PAPPA: variants seen among roughly 807,000 people sequenced by gnomAD.
The protein encoded by PAPPA is pappalysin-1.
In PAPPA, 60 loss-of-function variants were observed where a neutral mutation model predicts 164.0. That is an observed-to-expected ratio of 0.37 (90% CI 0.30 to 0.45). PAPPA has a LOEUF of 0.45. PAPPA is among the 20% of genes least tolerant of loss of function. The pLI is 1.00. For synonymous variants in PAPPA, 875 were observed against 814.1 expected, an observed-to-expected ratio of 1.07 and a Z score of -1.27; for missense variants, 1,782 against 2,087.3, an observed-to-expected ratio of 0.85 and a Z score of 2.85.
intron 17 of PAPPA, among the ~76,000 whole-genome samples, chr9:116,355,832 T>C (rs899449414): frequency 1.3e-5 from 2 of 152,192 alleles, no homozygotes; most frequent in Admixed American, 6.5e-5. Context: ...GTATTGCTTG[T>C]CTGCTCAAAG....
At chr9:116,317,867 C>T (rs1189575935) in intron 10 of PAPPA, among the ~76,000 whole-genome samples, 6 of 152,184 alleles carry the variant, frequency 3.9e-5, no homozygotes, top group Admixed American at 6.5e-5. Context: ...CCAGAGTCTA[C>T]ACTGGTTTTA....
chr9:116,263,481 A>G (rs572410004), intron 7 of PAPPA, among the ~76,000 whole-genome samples: 2 of 152,298 alleles, frequency 1.3e-5, no homozygotes, highest in East Asian at 3.9e-4. Flanking sequence ...TTGTCTCTCC[A>G]TCTCTTCTAG....
chr9:116,237,559 G>C (rs1844683324), intron 7 of PAPPA, among the ~76,000 whole-genome samples: 1 of 152,108 alleles, frequency 6.6e-6, no homozygotes, highest in Non-Finnish European at 1.5e-5. Flanking sequence ...CTGAATAAAT[G>C]AAAGAACCCT....
chr9:116,398,769 C>T lies in PAPPA; in HGVS notation c.*2153C>T, dbSNP rs1324565891. The T allele has an allele frequency of 2.9e-5, 13 of 443,692 alleles. No homozygotes were observed. The highest frequency in any genetic ancestry group is 1.2e-4 in the Admixed American group (5 of 40,710). 27.5% of individuals were successfully genotyped at this position (443,692 alleles called of 1,614,324 possible). A position where few individuals can be genotyped will look rare whatever the true frequency, so the allele number is the denominator to read the frequency against. On this transcript the variant is annotated 3_prime_UTR_variant, in exon 22 of 22. Transcript: ENST00000328252. ...AGAATAATCCTCTATGTTTCTTCCT[C>T]ACAAAACCATATCTCATTTATATCC...
At chr9:116,182,648 T>C (rs1158520161) in intron 1 of PAPPA, among the ~76,000 whole-genome samples, 1 of 152,178 alleles carries the variant, frequency 6.6e-6, no homozygotes, top group African/African-American at 2.4e-5. Flanking sequence ...GCCTTTGAGC[T>C]TTTCTCCTTT....
intron 6 of PAPPA, 21 bp downstream of exon 6, chr9:116,227,573 C>T (rs1844529943): frequency 6.2e-7 from 1 of 1,613,158 alleles, no homozygotes; most frequent in Non-Finnish European, 8.5e-7. Context: ...CTTCTGGAAG[C>T]TCATTGACAG....
Position 116,331,228 on chromosome 9 carries a change from CT to C in PAPPA, c.3148-13del, listed in dbSNP as rs1359855691. 4 of 1,439,378 alleles carry C rather than the reference CT, an allele frequency of 2.8e-6. No individual in the cohort carries two copies. Among genetic ancestry groups the C allele is most frequent in the Non-Finnish European group, 3.9e-6 (4 of 1,023,196 alleles). 89.2% of individuals were successfully genotyped at this position (1,439,378 alleles called of 1,614,324 possible). ...ACTCTCTAAAACATGATTATTTTTT[CT>C]TTATATTTTTCCAGGTGTGTCGAAC... On this transcript the variant is annotated splice_polypyrimidine_tract_variant and intron_variant, in intron 10 of 21. Coordinates refer to ENST00000328252, the MANE Select transcript of PAPPA (RefSeq NM_002581.5).
chr9:116,344,548 T>G lies in PAPPA; in HGVS notation c.3617T>G (p.Val1206Gly). 1 of 1,612,464 alleles carries G rather than the reference T, an allele frequency of 6.2e-7. No homozygotes were observed. Among genetic ancestry groups the G allele is most frequent in the Non-Finnish European group, 8.5e-7 (1 of 1,178,588 alleles). The change falls in exon 14 of 22, where the codon GTG (valine) becomes GGG (glycine). Residue 1206 changes from valine (V) to glycine (G), a missense_variant. By Grantham distance (109) the Val-to-Gly change is moderately radical. This residue lies in a region of PAPPA where 1,324 missense variants were observed against 1,656.9 expected (regional missense o/e 0.80). Transcript: ENST00000328252. ...CTCGTTTCTTTCCTCCCCAGCTGCG[T>G]GCACTTCGCATGTGAGAAAACTGAC... ...ETYSPAEQSC[V>G]HFACEKTDCP...
chr9:116,216,821 A>G (rs1844378528), intron 4 of PAPPA, among the ~76,000 whole-genome samples: 1 of 151,998 alleles, frequency 6.6e-6, no homozygotes, highest in Non-Finnish European at 1.5e-5. Context: ...AGCTCACTGC[A>G]ACTTCTGCCT....
chr9:116,269,633 AG>A (rs1272278368), intron 8 of PAPPA, among the ~76,000 whole-genome samples: 3 of 152,214 alleles, frequency 2.0e-5, no homozygotes, highest in African/African-American at 7.2e-5. Flanking sequence ...ATCTAATGAT[AG>A]ATCTGTCATG....
chr9:116,289,574 AT>A (rs1845410562), intron 9 of PAPPA, among the ~76,000 whole-genome samples: 1 of 151,928 alleles, frequency 6.6e-6, no homozygotes, highest in Non-Finnish European at 1.5e-5. Context: ...GACCTCTAAC[AT>A]TTATGCAGCA....
At chr9:116,202,055 T>C (rs559126146) in intron 2 of PAPPA, among the ~76,000 whole-genome samples, 1 of 152,284 alleles carries the variant, frequency 6.6e-6, no homozygotes, top group East Asian at 1.9e-4. Flanking sequence ...AGTGACCTGC[T>C]TTGAGTGGGA....
chr9:116,337,854 G>A (rs998894667), intron 13 of PAPPA, among the ~76,000 whole-genome samples: 1 of 152,164 alleles, frequency 6.6e-6, no homozygotes, highest in African/African-American at 2.4e-5. Flanking sequence ...GGGGTCTCCA[G>A]TCTCTTTGCA....
At chr9:116,350,139 T>C (rs1333446932) in intron 15 of PAPPA, among the ~76,000 whole-genome samples, 2 of 152,162 alleles carry the variant, frequency 1.3e-5, no homozygotes, top group South Asian at 2.1e-4. Context: ...TACTTTAAAC[T>C]CACCCTGCAT....
chr9:116,202,940 G>C (rs1487626862), intron 2 of PAPPA, among the ~76,000 whole-genome samples: 1 of 152,112 alleles, frequency 6.6e-6, no homozygotes, highest in Non-Finnish European at 1.5e-5. Flanking sequence ...GCCCTCTGTA[G>C]ACCATGATCT....
chr9:116,195,021 C>A (rs543382096), intron 2 of PAPPA, among the ~76,000 whole-genome samples: 3 of 152,132 alleles, frequency 2.0e-5, no homozygotes, highest in African/African-American at 7.2e-5. Context: ...TTAAAATGAC[C>A]CAAATGTCTG....
intron 7 of PAPPA, among the ~76,000 whole-genome samples, chr9:116,262,331 C>T (rs770712488): frequency 1.3e-5 from 2 of 151,976 alleles, no homozygotes; most frequent in African/African-American, 4.8e-5. Context: ...TTTACTACTA[C>T]GGATGGTTGA....
chr9:116,284,545 C>CTTT (rs61248033), intron 9 of PAPPA, among the ~76,000 whole-genome samples: 1,470 of 88,220 alleles, frequency 0.017, 63 homozygotes, highest in African/African-American at 0.034. Context: ...TAGTCTGGGC[C>CTTT]TTTTTTTTTT....
chr9:116,187,802 A>AC lies in PAPPA; in HGVS notation c.1066dup (p.Arg356ProfsTer7). The AC allele has an allele frequency of 6.2e-7, 1 of 1,614,258 alleles. No individual in the cohort carries two copies. The highest frequency in any genetic ancestry group is 8.5e-7 in the Non-Finnish European group (1 of 1,180,052). On this transcript the variant is annotated frameshift_variant, in exon 2 of 22. Transcript: ENST00000328252. LOFTEE classifies it high-confidence loss of function. This position sits in a 1 kb window ranked among gnomAD's most constrained non-coding sequence, Gnocchi z 4.2. Reference sequence around the variant, plus strand: ...TTCCGCCAGCCCAAGGTGGTGCGCTACCGCGTGGTCAACCTCTATGAAGAT... The same window carrying AC: ...TTCCGCCAGCCCAAGGTGGTGCGCTACCCGCGTGGTCAACCTCTATGAAGAT...
Sources: allele counts gnomAD v4.1 joint callset (sites outside exome capture counted in the v4.1 genomes callset), GRCh38; gene constraint gnomAD v4.1.1; regional missense constraint gnomAD v4.1.1; non-coding constraint Gnocchi (gnomAD v3.1); transcripts MANE v1.5; gene names NCBI Gene and HGNC (gene_info 2026-07-23, HGNC 2026-07-21).